Variants in MED12L observed in about 807,000 individuals in gnomAD.
The protein encoded by MED12L is mediator of RNA polymerase II transcription subunit 12-like protein.
MED12L carries 60 observed loss-of-function variants against 281.3 expected under a neutral mutation model. That is an observed-to-expected ratio of 0.21 (90% CI 0.17 to 0.26). The LOEUF (loss-of-function observed/expected upper bound fraction) is 0.26, where lower values mean the gene tolerates loss of function less well. Among genes scored for constraint, MED12L ranks in the 10% least tolerant of loss-of-function variants. MED12L has a pLI of 1.00. For missense variants in MED12L, 2,146 were observed against 2,680.9 expected, an observed-to-expected ratio of 0.80 and a Z score of 4.41; for synonymous variants, 974 against 987.2, an observed-to-expected ratio of 0.99 and a Z score of 0.25.
intron 2 of MED12L, among the ~76,000 whole-genome samples, chr3:151,104,774 C>T (rs535038770): frequency 6.6e-6 from 1 of 152,294 alleles, no homozygotes; most frequent in East Asian, 1.9e-4. Flanking sequence ...CCCTCTGAAG[C>T]CTCTAGTGCA....
intron 16 of MED12L, among the ~76,000 whole-genome samples, chr3:151,256,849 GTT>G (rs527914597): frequency 3.6e-5 from 5 of 138,790 alleles, no homozygotes; most frequent in Non-Finnish European, 6.3e-5. Context: ...AATGACAGAG[GTT>G]TTTTTTTTGT....
In MED12L at chr3:151,432,869, G is replaced by T; in HGVS notation, c.*65G>T. The T allele has an allele frequency of 1.7e-6, 2 of 1,209,994 alleles. No individual in the cohort carries two copies. Among genetic ancestry groups the T allele is most frequent in the Non-Finnish European group, 2.4e-6 (2 of 844,384 alleles). 75.0% of individuals were successfully genotyped at this position (1,209,994 alleles called of 1,614,324 possible). A position where few individuals can be genotyped will look rare whatever the true frequency, so the allele number is the denominator to read the frequency against. On this transcript the variant is annotated 3_prime_UTR_variant, in exon 45 of 45. Coordinates refer to ENST00000687756, the MANE Select transcript of MED12L (RefSeq NM_001393769.1). ...TGAAAAACAGAAAATCAAATTTAATGCATTAGTCATCTTAAAAATGTCCCT... is the reference window on the plus strand; with the variant it reads ...TGAAAAACAGAAAATCAAATTTAATTCATTAGTCATCTTAAAAATGTCCCT...
chr3:151,097,338 A>G (rs950404476), intron 2 of MED12L, among the ~76,000 whole-genome samples: 13 of 152,226 alleles, frequency 8.5e-5, no homozygotes, highest in African/African-American at 3.1e-4. Flanking sequence ...TTTATTTTCC[A>G]TGTTTTGCAC....
At chr3:151,107,054 G>T (rs1348395190) in intron 2 of MED12L, among the ~76,000 whole-genome samples, 2 of 148,668 alleles carry the variant, frequency 1.3e-5, no homozygotes, top group Non-Finnish European at 3.0e-5. Context: ...GGTTGGCTTT[G>T]GGTCTACCAT....
chr3:151,413,381 G>C lies in MED12L; in HGVS notation c.6297+86G>C, dbSNP rs150746222. 1,523 of 1,447,100 alleles carry C rather than the reference G, an allele frequency of 1.1e-3. 17 individuals are homozygous for C. The African/African-American group carries it at 0.019, about 18-fold the overall frequency. 89.6% of individuals were successfully genotyped at this position (1,447,100 alleles called of 1,614,324 possible). A position where few individuals can be genotyped will look rare whatever the true frequency, so the allele number is the denominator to read the frequency against. On this transcript the variant is annotated intron_variant, in intron 42 of 44. Transcript: ENST00000687756. ...GTCATAAAAAATGAAAAACACTATA[G>C]TTGTCAATTGCCAGATTCCAAGGAT...
intron 16 of MED12L, chr3:151,199,068 A>G: frequency 6.2e-7 from 1 of 1,614,138 alleles, no homozygotes; most frequent in Non-Finnish European, 8.5e-7. Flanking sequence ...ATGCTGACAA[A>G]TGCTAAGAAG....
rs541346313 is a variant in MED12L at position 151,363,704 on chromosome 3, G to A, written c.2958-1275G>A. Among the ~76,000 whole-genome samples, 3 of 152,300 alleles carry A rather than the reference G, an allele frequency of 2.0e-5. No individual in the cohort carries two copies. In the South Asian group the frequency reaches 6.2e-4, roughly 32 times the overall value. On this transcript the variant is annotated intron_variant, in intron 21 of 44. Transcript: ENST00000687756. The stretch of plus-strand genomic sequence containing the variant: ...TAGATGACTTTAGTCCTCTTTGTTA[G>A]AGTAGTGCTTCCCAAGCATTACTTG...
chr3:151,431,845 C>T (rs1330040063), intron 44 of MED12L, among the ~76,000 whole-genome samples: 1 of 152,186 alleles, frequency 6.6e-6, no homozygotes, highest in African/African-American at 2.4e-5. Context: ...ATTTTTAACC[C>T]ACCCTGTGAG....
chr3:151,171,310 C>T (rs2149008000), intron 11 of MED12L, among the ~76,000 whole-genome samples: 1 of 152,260 alleles, frequency 6.6e-6, no homozygotes, highest in African/African-American at 2.4e-5. Context: ...TTTCAGAGGC[C>T]TCAGACCACT....
chr3:151,413,887 T>C (rs1000930063), intron 42 of MED12L, among the ~76,000 whole-genome samples: 47 of 151,826 alleles, frequency 3.1e-4, no homozygotes, highest in Non-Finnish European at 5.6e-4. Flanking sequence ...TTTTTTTTTT[T>C]TCCCCTTAAG....
chr3:151,403,503 A>G (rs1415989849), intron 39 of MED12L, among the ~76,000 whole-genome samples: 2 of 152,102 alleles, frequency 1.3e-5, no homozygotes, highest in African/African-American at 4.8e-5. Context: ...CAAAATCTCA[A>G]CGGAACACAT....
chr3:151,197,273 C>T (rs543461911), intron 16 of MED12L, among the ~76,000 whole-genome samples: 3 of 152,316 alleles, frequency 2.0e-5, no homozygotes, highest in South Asian at 2.1e-4. Flanking sequence ...AAATGATTCT[C>T]CTGCCTCAGC....
intron 17 of MED12L, 90 bp from the exon 18 acceptor site, chr3:151,355,031 G>T (rs187081167): frequency 8.1e-5 from 71 of 874,656 alleles, no homozygotes; most frequent in African/African-American, 4.1e-4. Flanking sequence ...TTTTCTGTAT[G>T]TATGCTATAC....
At chr3:151,116,949 A>G (rs1446151277) in intron 3 of MED12L, among the ~76,000 whole-genome samples, 1 of 152,100 alleles carries the variant, frequency 6.6e-6, no homozygotes, top group Non-Finnish European at 1.5e-5. Context: ...ACCTCTTAGT[A>G]AGGTCTACAA....
intron 6 of MED12L, among the ~76,000 whole-genome samples, chr3:151,156,932 T>C (rs928081639): frequency 6.6e-6 from 1 of 152,200 alleles, no homozygotes; most frequent in African/African-American, 2.4e-5. Context: ...GTTATCTTGA[T>C]TAAAGAGGGA....
At chr3:151,233,749 A>G (rs1732185686) in intron 16 of MED12L, among the ~76,000 whole-genome samples, 1 of 152,174 alleles carries the variant, frequency 6.6e-6, no homozygotes, top group Admixed American at 6.5e-5. Flanking sequence ...AACAAAAACA[A>G]AAACACAGCA....
At chr3:151,251,541 G>A (rs982981711) in intron 16 of MED12L, among the ~76,000 whole-genome samples, 2 of 152,142 alleles carry the variant, frequency 1.3e-5, no homozygotes, top group South Asian at 4.1e-4. Context: ...GCAGCACTGT[G>A]TCCCTTTTGT....
At chr3:151,382,491 G>C (rs533285281) in intron 32 of MED12L, among the ~76,000 whole-genome samples, 165 bp from the exon 33 acceptor site, 1 of 152,100 alleles carries the variant, frequency 6.6e-6, no homozygotes, top group East Asian at 1.9e-4. Flanking sequence ...TAAATAGCCA[G>C]ATTTCTTTCT....
At chr3:151,249,817 G>T (rs914383495) in intron 16 of MED12L, among the ~76,000 whole-genome samples, 2 of 152,074 alleles carry the variant, frequency 1.3e-5, no homozygotes, top group African/African-American at 4.8e-5. Flanking sequence ...CTGAAATTAT[G>T]CTCTGGATTA....
Sources: gnomAD v4.1 joint callset for allele counts (sites outside exome capture counted in the v4.1 genomes callset) on GRCh38, gnomAD v4.1.1 for gene constraint, MANE v1.5 for transcripts, NCBI Gene and HGNC (gene_info 2026-07-23, HGNC 2026-07-21) for gene names.